Variants in EXOC6B observed in about 807,000 individuals in gnomAD.
The protein encoded by EXOC6B is SEC15 homolog B.
EXOC6B carries 54 observed loss-of-function variants against 113.5 expected under a neutral mutation model. The observed-to-expected ratio is 0.48, with a 90% CI of 0.38 to 0.60. EXOC6B has a LOEUF of 0.60. Ranked by LOEUF, EXOC6B falls within the 20% of genes least tolerant of loss-of-function variation. The pLI is 0.00. For synonymous variants in EXOC6B, 357 were observed against 339.0 expected (o/e 1.05, Z -0.58); for missense variants, 797 against 977.5 (o/e 0.82, Z 2.46).
At chr2:72,762,509 A>G (rs1682801665) in intron 1 of EXOC6B, among the ~76,000 whole-genome samples, 1 of 151,956 alleles carries the variant, frequency 6.6e-6, no homozygotes, top group Non-Finnish European at 1.5e-5. Context: ...TATAAAGAAG[A>G]AGACAATGGA....
chr2:72,471,915 G>T (rs1698437279), intron 17 of EXOC6B, among the ~76,000 whole-genome samples: 1 of 152,002 alleles, frequency 6.6e-6, no homozygotes, highest in African/African-American at 2.4e-5. Context: ...TGGCTTGTTG[G>T]GAGTTTTAAT....
At chr2:72,724,593 C>T (rs557224207) in intron 5 of EXOC6B, among the ~76,000 whole-genome samples, 6 of 151,736 alleles carry the variant, frequency 4.0e-5, no homozygotes, top group South Asian at 4.2e-4. Context: ...TGACCTACAA[C>T]CAGGAAAAAC....
At chr2:72,822,159 G>C (rs957776730) in intron 1 of EXOC6B, among the ~76,000 whole-genome samples, 1 of 152,102 alleles carries the variant, frequency 6.6e-6, no homozygotes, top group Non-Finnish European at 1.5e-5. Context: ...AATGAAAACA[G>C]GGAGCTATTG....
At chr2:72,612,479 G>T (rs1273070204) in intron 6 of EXOC6B, among the ~76,000 whole-genome samples, 1 of 151,920 alleles carries the variant, frequency 6.6e-6, no homozygotes, top group African/African-American at 2.4e-5. Context: ...GCTAGAAGTG[G>T]CAGTGCGCTT....
chr2:72,567,804 C>T (rs1036515417), intron 7 of EXOC6B, among the ~76,000 whole-genome samples: 1 of 151,982 alleles, frequency 6.6e-6, no homozygotes, highest in African/African-American at 2.4e-5. Context: ...AATGATTATC[C>T]ATGTGCCCAT....
At chr2:72,535,515 G>A (rs10865391) in intron 8 of EXOC6B, among the ~76,000 whole-genome samples, 128,594 of 152,118 alleles carry the variant, frequency 0.85, 55,019 homozygotes, top group East Asian at 0.99. Flanking sequence ...GTGGCCTGAC[G>A]TGTGCATTAA....
chr2:72,815,156 C>T (rs886274276), intron 1 of EXOC6B, among the ~76,000 whole-genome samples: 1 of 151,924 alleles, frequency 6.6e-6, no homozygotes, highest in South Asian at 2.1e-4. Context: ...CAACATATAA[C>T]CATCAAAGGT....
At chr2:72,487,552 G>A (rs1699498020) in intron 16 of EXOC6B, among the ~76,000 whole-genome samples, 1 of 152,044 alleles carries the variant, frequency 6.6e-6, no homozygotes, top group South Asian at 2.1e-4. Flanking sequence ...GTAGAGACGG[G>A]GTTTCGCCAT....
chr2:72,764,364 C>CTTTTTTTTTTTTT (rs397869115), intron 1 of EXOC6B, among the ~76,000 whole-genome samples: 27 of 66,810 alleles, frequency 4.0e-4, no homozygotes, highest in South Asian at 9.7e-4. Context: ...TATTTTCTCT[C>CTTTTTTTTTTTTT]TTTTTTTTTT....
At chr2:72,322,239 TA>T (rs1464385721) in intron 20 of EXOC6B, among the ~76,000 whole-genome samples, 2 of 151,998 alleles carry the variant, frequency 1.3e-5, no homozygotes, top group African/African-American at 2.4e-5. Flanking sequence ...AACTCATCAA[TA>T]AAAAAGAATG....
intron 2 of EXOC6B, among the ~76,000 whole-genome samples, chr2:72,735,986 C>A (rs1263875028): frequency 1.3e-5 from 2 of 151,974 alleles, no homozygotes; most frequent in African/African-American, 4.8e-5. Flanking sequence ...GAGTTCAAGA[C>A]CAGCCTGGCC....
At chr2:72,426,842 C>T (rs922497917) in intron 18 of EXOC6B, among the ~76,000 whole-genome samples, 1 of 152,214 alleles carries the variant, frequency 6.6e-6, no homozygotes, top group Non-Finnish European at 1.5e-5. Context: ...CCGGAGCGGC[C>T]GCTGCTACCA....
chr2:72,327,311 T>A (rs1435403020), intron 20 of EXOC6B, among the ~76,000 whole-genome samples: 2 of 151,918 alleles, frequency 1.3e-5, no homozygotes, highest in East Asian at 1.9e-4. Context: ...CACCTTCCCT[T>A]CAAGGACCCC....
chr2:72,355,771 G>A (rs897214741), intron 19 of EXOC6B, among the ~76,000 whole-genome samples: 1 of 152,162 alleles, frequency 6.6e-6, no homozygotes, highest in Non-Finnish European at 1.5e-5. Flanking sequence ...TATTGATACT[G>A]AAACACACAA....
chr2:72,703,243 C>T (rs1312740896), intron 6 of EXOC6B, among the ~76,000 whole-genome samples: 3 of 125,232 alleles, frequency 2.4e-5, no homozygotes, highest in Admixed American at 1.7e-4. Context: ...AGATATGCGG[C>T]GTTATTTCTG....
rs549557712 is a variant in EXOC6B at position 72,653,445 on chromosome 2, T to C, written c.669+64658A>G. Among the ~76,000 whole-genome samples the C allele has an allele frequency of 5.9e-3, 840 of 141,686 alleles. 5 individuals carry two copies. The highest frequency in any genetic ancestry group is 0.02 in the African/African-American group (768 of 38,274). 93.0% of individuals were successfully genotyped at this position (141,686 alleles called of 152,430 possible). ...GGGGGAGGGATAGCATTAGGAGATA[T>C]ACCTAATGCTAAATGACGAGTTAAT... is the stretch of plus-strand genomic sequence containing the variant. On this transcript the variant is annotated intron_variant, in intron 6 of 21. Coordinates refer to ENST00000272427, the MANE Select transcript of EXOC6B (RefSeq NM_015189.3).
At chr2:72,593,239 A>T (rs997590709) in intron 6 of EXOC6B, among the ~76,000 whole-genome samples, 1 of 152,140 alleles carries the variant, frequency 6.6e-6, no homozygotes, top group Non-Finnish European at 1.5e-5. Flanking sequence ...TATGTTTATT[A>T]GTAAGTAAAG....
chr2:72,824,809 A>C (rs958137715), intron 1 of EXOC6B, among the ~76,000 whole-genome samples: 1 of 152,180 alleles, frequency 6.6e-6, no homozygotes, highest in Non-Finnish European at 1.5e-5. Context: ...CTTAGTGAGT[A>C]GTTACCAACA....
chr2:72,417,909 CTT>C (rs1185456673), intron 18 of EXOC6B, among the ~76,000 whole-genome samples: 3 of 152,068 alleles, frequency 2.0e-5, no homozygotes, highest in Non-Finnish European at 4.4e-5. Flanking sequence ...AGTAGCATCT[CTT>C]ATAAAACACA....
Sources: gnomAD v4.1 joint callset for allele counts (sites outside exome capture counted in the v4.1 genomes callset) on GRCh38, gnomAD v4.1.1 for gene constraint, MANE v1.5 for transcripts, NCBI Gene and HGNC (gene_info 2026-07-23, HGNC 2026-07-21) for gene names.